APH1A: variants seen among roughly 807,000 people sequenced by gnomAD.
The protein encoded by APH1A is gamma-secretase subunit APH-1A.
APH1A carries 16 observed loss-of-function variants against 30.3 expected under a neutral mutation model. The ratio of observed to expected loss-of-function variants is 0.53; its 90% confidence interval spans 0.36 to 0.80. The LOEUF is 0.80. Ranked by LOEUF, APH1A falls within the 30% of genes least tolerant of loss-of-function variation. APH1A has a pLI of 0.01. For synonymous variants in APH1A, 144 were observed against 140.1 expected (o/e 1.03, Z -0.20); for missense variants, 245 against 337.8 (o/e 0.73, Z 2.15).
intron 1 of APH1A, 129 bp from the exon 2 acceptor site, chr1:150,268,256 G>T: frequency 9.3e-7 from 1 of 1,073,938 alleles, no homozygotes; most frequent in Non-Finnish European, 1.3e-6. Flanking sequence ...ACATGGACCA[G>T]GTAGGGTAAC....
rs782641325 is a variant in APH1A, at chr1:150,266,188, C to T, written c.740G>A (p.Arg247Gln). ...CACCATCACCCGACTGTCCTCCTGCCGTCGGCCTGCAGAGGGGAAGGGAGG... is the reference window on the plus strand; with the variant it reads ...CACCATCACCCGACTGTCCTCCTGCTGTCGGCCTGCAGAGGGGAAGGGAGG... The part of the protein sequence containing the change: ...RSIQRSLLCR[R>Q]QEDSRVMVYS... The change falls in exon 7 of 7, where the codon CGG (arginine) becomes CAG (glutamine). Residue 247 changes from arginine to glutamine, a missense_variant. Transcript: ENST00000369109. 8 of 1,600,908 alleles carry T rather than the reference C, an allele frequency of 5.0e-6. No individual in the cohort carries two copies. The highest frequency in any genetic ancestry group is 3.4e-5 in the Admixed American group (2 of 58,266).
chr1:150,266,788 T>A, intron 5 of APH1A, 132 bp from the exon 6 acceptor site: 1 of 1,213,696 alleles, frequency 8.2e-7, no homozygotes, highest in Non-Finnish European at 1.1e-6. Flanking sequence ...AGCACCAACA[T>A]CTTGTGGTTA....
chr1:150,265,819 A>C lies in APH1A; in HGVS notation c.*311T>G. ...AGAGAAAATATAGCCCAAGGAGGTT[A>C]GAAGAGTTCCAATATACCTCCTCCC... On this transcript the variant is annotated 3_prime_UTR_variant, in exon 7 of 7. Transcript: ENST00000369109. 2 of 313,278 alleles carry C rather than the reference A, an allele frequency of 6.4e-6. No individual in the cohort carries two copies. Among genetic ancestry groups the C allele is most frequent in the South Asian group, 7.2e-5 (1 of 13,972 alleles). The allele number at this position is 313,278 out of a possible 1,614,324, so 19.4% of individuals were successfully genotyped here. A position where few individuals can be genotyped will look rare whatever the true frequency, so the allele number is the denominator to read the frequency against.
At position 150,267,494 on chromosome 1, in the gene APH1A, A is replaced by C; in HGVS notation, c.359-16T>G. 1 of 1,613,452 alleles carries C rather than the reference A, an allele frequency of 6.2e-7. No individual in the cohort carries two copies. The highest frequency in any genetic ancestry group is 8.5e-7 in the Non-Finnish European group (1 of 1,179,658). On this transcript the variant is annotated splice_polypyrimidine_tract_variant and intron_variant, in intron 3 of 6. Coordinates refer to ENST00000369109, the MANE Select transcript of APH1A (RefSeq NM_001077628.3). ...AGACCAGAAACTGGGGGAAGGGAGG[A>C]TCTCATCAATGTCAGAGATCACACT...
At chr1:150,266,258 T>C (rs200019445) in intron 6 of APH1A, 64 bp from the exon 7 acceptor site, 3 of 1,551,030 alleles carry the variant, frequency 1.9e-6, no homozygotes, top group Non-Finnish European at 2.6e-6. Context: ...ACAGGGGGAG[T>C]CCTGGACACA....
intron 6 of APH1A, 119 bp downstream of exon 6, chr1:150,266,414 C>T (rs202129693): frequency 4.9e-5 from 75 of 1,545,734 alleles, no homozygotes; most frequent in Admixed American, 5.7e-5. Flanking sequence ...TGGGGTAGAC[C>T]GACGAGAAGG....
rs1651663096 is a variant in APH1A at position 150,265,964 on chromosome 1, T to C, written c.*166A>G. Reference sequence around the variant, plus strand: ...CAGTCTTGAGGGAGTACTGAGAAACTCAGAGCTCATCTATCCTTGAGCCTC... The same window carrying C: ...CAGTCTTGAGGGAGTACTGAGAAACCCAGAGCTCATCTATCCTTGAGCCTC... On this transcript the variant is annotated 3_prime_UTR_variant, in exon 7 of 7. Transcript: ENST00000369109. The C allele has an allele frequency of 6.1e-6, 5 of 814,952 alleles. No individual in the cohort carries two copies. The highest frequency in any genetic ancestry group is 9.5e-6 in the Non-Finnish European group (5 of 527,256). 50.5% of individuals were successfully genotyped at this position (814,952 alleles called of 1,614,324 possible).
Position 150,267,222 on chromosome 1 carries a change from G to A in APH1A, c.482-20C>T, listed in dbSNP as rs199674108. The A allele has an allele frequency of 2.8e-4, 450 of 1,614,058 alleles. No homozygotes were observed. The highest frequency in any genetic ancestry group is 2.7e-4 in the Non-Finnish European group (318 of 1,180,020). On this transcript the variant is annotated intron_variant, in intron 4 of 6. Transcript: ENST00000369109. ...GAAAGGCTGCAGGGAGGGAGATGGG[G>A]AGGAGATACATCCCTGATCTTCTCC...
Position 150,266,123 on chromosome 1 carries a change from G to A in APH1A, c.*7C>T, listed in dbSNP as rs781834956. ...ACCCCAGGCCCAGGGGTCCCCCCTA[G>A]GTTCCCTCAGTCCTCGGGTGGGATG... On this transcript the variant is annotated 3_prime_UTR_variant, in exon 7 of 7. Coordinates refer to ENST00000369109, the MANE Select transcript of APH1A (RefSeq NM_001077628.3). 1.3e-6 allele frequency: 2 copies of A among 1,591,120 alleles called. No homozygotes were observed. The highest frequency in any genetic ancestry group is 1.1e-5 in the South Asian group (1 of 87,520).
chr1:150,266,724 G>T (rs782486588), intron 5 of APH1A, 68 bp from the exon 6 acceptor site: 160 of 1,533,834 alleles, frequency 1.0e-4, no homozygotes, highest in Non-Finnish European at 1.4e-4. Flanking sequence ...TATTCTCTCT[G>T]TACCTTTCTG....
chr1:150,267,170 T>C lies in APH1A; in HGVS notation c.514A>G (p.Thr172Ala). 1 of 1,613,724 alleles carries C rather than the reference T, an allele frequency of 6.2e-7. No homozygotes were observed. The highest frequency in any genetic ancestry group is 8.5e-7 in the Non-Finnish European group (1 of 1,179,958). ...FLTAAIILLH[T>A]FWGVVFFDAC... ...TCAAAGAACACAACTCCCCAAAAGGTATGGAGCAGGATAATGGCTGCTGTC... is the reference window on the plus strand; with the variant it reads ...TCAAAGAACACAACTCCCCAAAAGGCATGGAGCAGGATAATGGCTGCTGTC... The change falls in exon 5 of 7, where the codon ACC becomes GCC. Residue 172 changes from threonine to alanine, a missense_variant. By Grantham distance (58) the Thr-to-Ala change is moderately conservative. Transcript: ENST00000369109.
At chr1:150,267,646 G>T (rs587710793) in intron 3 of APH1A, 70 bp downstream of exon 3, 2 of 1,577,060 alleles carry the variant, frequency 1.3e-6, no homozygotes, top group African/African-American at 2.7e-5. Context: ...AGAACATGTG[G>T]ATATTTAGAG....
chr1:150,266,477 C>A, intron 6 of APH1A, 56 bp downstream of exon 6: 1 of 1,610,878 alleles, frequency 6.2e-7, no homozygotes, highest in Non-Finnish European at 8.5e-7. Flanking sequence ...CAGTCATGGG[C>A]AGTGGACAGG....
At chr1:150,267,233 T>A in intron 4 of APH1A, 31 bp from the exon 5 acceptor site, 1 of 1,613,776 alleles carries the variant, frequency 6.2e-7, no homozygotes, top group Non-Finnish European at 8.5e-7. Flanking sequence ...AGGAGATACA[T>A]CCCTGATCTT....
In APH1A at chr1:150,266,346, C is replaced by T. The variant is rs1371325868; in HGVS notation, c.734-152G>A. ...ACTGACTGGCTGAACCCAGGCTGCT[C>T]CTGGTAAAGCTTAGAGACTAACGGT... On this transcript the variant is annotated intron_variant, in intron 6 of 6. Transcript: ENST00000369109. 2.7e-6 allele frequency: 4 copies of T among 1,482,648 alleles called. No individual in the cohort carries two copies. In the African/African-American group the frequency reaches 5.6e-5, roughly 21 times the overall value. The allele number at this position is 1,482,648 out of a possible 1,614,324, so 91.8% of individuals were successfully genotyped here.
In APH1A at chr1:150,268,485, G is replaced by A. The variant is rs587654680; in HGVS notation, c.113+213C>T. The A allele has an allele frequency of 5.3e-5, 32 of 608,598 alleles. No homozygotes were observed. In the South Asian group the frequency reaches 6.1e-4, roughly 12 times the overall value. 37.7% of individuals were successfully genotyped at this position (608,598 alleles called of 1,614,324 possible). A position where few individuals can be genotyped will look rare whatever the true frequency, so the allele number is the denominator to read the frequency against. On this transcript the variant is annotated intron_variant, in intron 1 of 6. Transcript: ENST00000369109. ...CTTGGGCCTTCTCTGACGTCGCTGGGAGGAATATAGGAGGAATCTGTGAGA... is the reference window on the plus strand; with the variant it reads ...CTTGGGCCTTCTCTGACGTCGCTGGAAGGAATATAGGAGGAATCTGTGAGA...
At chr1:150,267,308 G>T (rs782399735) in intron 4 of APH1A, 48 bp downstream of exon 4, 1 of 1,613,504 alleles carries the variant, frequency 6.2e-7, no homozygotes, top group African/African-American at 1.3e-5. Flanking sequence ...ATCAGATCAG[G>T]GACAAGGATG....
chr1:150,268,321 A>C, intron 1 of APH1A, 194 bp from the exon 2 acceptor site: 2 of 666,646 alleles, frequency 3.0e-6, no homozygotes, highest in Non-Finnish European at 5.0e-6. Flanking sequence ...AAAGGGGAGA[A>C]ATCTAATTAA....
Position 150,266,689 on chromosome 1 carries a change from AG to A in APH1A, c.610-34del, listed in dbSNP as rs112994186. On this transcript the variant is annotated intron_variant, in intron 5 of 6. Transcript: ENST00000369109. ...GGAGGGTAAGAGTAGGAAAGAGATT[AG>A]ATTCTCCCTCGACCTAATCCCCATA... The A allele has an allele frequency of 2.9e-5, 47 of 1,610,760 alleles. No homozygotes were observed. The Middle Eastern group carries it at 6.6e-4, about 23-fold the overall frequency.
Sources: allele counts gnomAD v4.1 joint callset, GRCh38; gene constraint gnomAD v4.1.1; transcripts MANE v1.5; gene names NCBI Gene and HGNC (gene_info 2026-07-23, HGNC 2026-07-21).